The following MCHR2 variants were observed in gnomAD, a reference collection of about 807,000 sequenced individuals.
MCHR2 encodes the protein melanin-concentrating hormone receptor 2.
MCHR2 carries 15 observed loss-of-function variants against 24.8 expected under a neutral mutation model. The ratio of observed to expected loss-of-function variants is 0.60; its 90% CI spans 0.40 to 0.93. The LOEUF (loss-of-function observed/expected upper bound fraction) is 0.93. Ranked by LOEUF, MCHR2 falls within the 40% of genes least tolerant of loss-of-function variation. The pLI, the probability that MCHR2 is intolerant of heterozygous loss-of-function variation, is 0.00. For missense variants in MCHR2, 386 were observed against 408.7 expected (o/e 0.94, Z 0.48); for synonymous variants, 151 against 147.6 (o/e 1.02, Z -0.17).
intron 3 of MCHR2, among the ~76,000 whole-genome samples, chr6:99,945,467 A>G (rs539556791): frequency 1.1e-3 from 164 of 152,244 alleles, no homozygotes; most frequent in Non-Finnish European, 2.1e-3. Flanking sequence ...GCCCACTACT[A>G]AATATTCTAC....
At chr6:99,944,269 T>C (rs1774834044) in intron 3 of MCHR2, among the ~76,000 whole-genome samples, 1 of 152,160 alleles carries the variant, frequency 6.6e-6, no homozygotes, top group Non-Finnish European at 1.5e-5. Flanking sequence ...TCCAAGAATT[T>C]TTCAGAGCAA....
chr6:99,927,860 C>T (rs1416004486), intron 5 of MCHR2, among the ~76,000 whole-genome samples: 1 of 152,130 alleles, frequency 6.6e-6, no homozygotes, highest in Non-Finnish European at 1.5e-5. Flanking sequence ...CTGGCCAGAA[C>T]TTCCAACACT....
At chr6:99,929,502 C>G (rs138499185) in intron 5 of MCHR2, among the ~76,000 whole-genome samples, 2,905 of 152,192 alleles carry the variant, frequency 0.019, 33 homozygotes, top group Middle Eastern at 0.048. Context: ...TCAGGACTTG[C>G]TTTATGAATC....
intron 2 of MCHR2, among the ~76,000 whole-genome samples, chr6:99,954,660 C>A (rs1482650630): frequency 6.6e-6 from 1 of 152,054 alleles, no homozygotes; most frequent in Non-Finnish European, 1.5e-5. Flanking sequence ...TGTTAATGGT[C>A]ATATTTTTTA....
intron 1 of MCHR2, among the ~76,000 whole-genome samples, chr6:99,966,678 A>G (rs1775301130): frequency 6.6e-6 from 1 of 152,216 alleles, no homozygotes; most frequent in Non-Finnish European, 1.5e-5. Context: ...CAGAAACAAA[A>G]TATTAATTCA....
At chr6:99,938,849 C>G (rs1355506981) in intron 4 of MCHR2, among the ~76,000 whole-genome samples, 1 of 152,034 alleles carries the variant, frequency 6.6e-6, no homozygotes, top group Non-Finnish European at 1.5e-5. Context: ...TTAGTGTTTG[C>G]TCTATATATT....
chr6:99,965,437 A>AC (rs1381778431), intron 1 of MCHR2, among the ~76,000 whole-genome samples: 1 of 152,164 alleles, frequency 6.6e-6, no homozygotes, highest in Non-Finnish European at 1.5e-5. Flanking sequence ...GACTGGCTGA[A>AC]CCCATTGAGG....
intron 5 of MCHR2, among the ~76,000 whole-genome samples, chr6:99,928,591 T>C (rs956342486): frequency 6.6e-6 from 1 of 152,234 alleles, no homozygotes; most frequent in African/African-American, 2.4e-5. Context: ...GAGGAATTTA[T>C]CCATTTCTTC....
chr6:99,993,061 G>A (rs1022590981), intron 1 of MCHR2, among the ~76,000 whole-genome samples: 1 of 152,198 alleles, frequency 6.6e-6, no homozygotes, highest in Non-Finnish European at 1.5e-5. Flanking sequence ...TTAGAACTGC[G>A]CATTCCTCAA....
intron 5 of MCHR2, among the ~76,000 whole-genome samples, chr6:99,925,696 C>G (rs948577860): frequency 6.6e-6 from 1 of 151,920 alleles, no homozygotes; most frequent in African/African-American, 2.4e-5. Context: ...AAACTCTACA[C>G]CTTAACTTTG....
chr6:99,968,748 C>T (rs930300569), intron 1 of MCHR2, among the ~76,000 whole-genome samples: 1 of 151,776 alleles, frequency 6.6e-6, no homozygotes, highest in Non-Finnish European at 1.5e-5. Flanking sequence ...AAACAAAGCT[C>T]AATAAATTTC....
Position 99,941,042 on chromosome 6 carries a change from A to G in MCHR2, c.587+1907T>C, listed in dbSNP as rs193045640. On this transcript the variant is annotated intron_variant, in intron 4 of 5. Transcript: ENST00000281806. ...CCTTCCAGAACTTATGATACTTCCC[A>G]TAGGTTAAGGCAGAGACAGGTATTT... 2.6e-5 allele frequency among the ~76,000 whole-genome samples: 4 copies of G among 152,142 alleles called. No homozygotes were observed. The East Asian group carries it at 7.8e-4, about 30-fold the overall frequency.
At chr6:99,978,968 A>G (rs181995602) in intron 1 of MCHR2, among the ~76,000 whole-genome samples, 2 of 152,308 alleles carry the variant, frequency 1.3e-5, no homozygotes, top group Admixed American at 6.5e-5. Flanking sequence ...AAAGGGAATA[A>G]GCAGGTCTTC....
Position 99,975,426 on chromosome 6 carries a change from C to T in MCHR2, c.-28+18510G>A, listed in dbSNP as rs373928223. Among the ~76,000 whole-genome samples the T allele has an allele frequency of 1.1e-4, 17 of 152,300 alleles. No homozygotes were observed. The East Asian group carries it at 1.4e-3, about 12-fold the overall frequency. On this transcript the variant is annotated intron_variant, in intron 1 of 5. Transcript: ENST00000281806. ...CCGTTTTTTAAGCCCGTTGGAAAACCGCAGTATTAGGGTGGGGGTGACCCA... is the reference window on the plus strand; with the variant it reads ...CCGTTTTTTAAGCCCGTTGGAAAACTGCAGTATTAGGGTGGGGGTGACCCA...
In MCHR2 at chr6:99,947,797, G is replaced by T; in HGVS notation, c.357C>A (p.Ala119=). Residue 119 remains alanine, a synonymous_variant, in exon 3 of 6, where the codon GCC becomes GCA. Transcript: ENST00000281806. Reference sequence around the variant, plus strand: ...TCATTACAGTCATGATGGCACTACAGGCAAATTGGTTACAAGTATCCAGGG... The same window carrying T: ...TCATTACAGTCATGATGGCACTACATGCAAATTGGTTACAAGTATCCAGGG... ...ITSLDTCNQF[A]CSAIMTVMSV... The T allele has an allele frequency of 6.2e-7, 1 of 1,613,780 alleles. No individual in the cohort carries two copies. Among genetic ancestry groups the T allele is most frequent in the South Asian group, 1.1e-5 (1 of 91,074 alleles).
chr6:99,989,714 A>G (rs1775832545), intron 1 of MCHR2, among the ~76,000 whole-genome samples: 1 of 152,276 alleles, frequency 6.6e-6, no homozygotes, highest in East Asian at 1.9e-4. Context: ...GACATATTTC[A>G]AGAACATTAC....
At chr6:99,944,898 C>A (rs1774846588) in intron 3 of MCHR2, among the ~76,000 whole-genome samples, 1 of 152,148 alleles carries the variant, frequency 6.6e-6, no homozygotes, top group African/African-American at 2.4e-5. Flanking sequence ...TCTCTCTTGA[C>A]TTCCTCAAGC....
At chr6:99,966,285 A>G (rs571446039) in intron 1 of MCHR2, among the ~76,000 whole-genome samples, 5 of 152,292 alleles carry the variant, frequency 3.3e-5, no homozygotes, top group African/African-American at 1.2e-4. Flanking sequence ...TTCAGTGTCA[A>G]TTAAAACTTC....
At chr6:99,939,459 C>G (rs1774730914) in intron 4 of MCHR2, among the ~76,000 whole-genome samples, 1 of 152,096 alleles carries the variant, frequency 6.6e-6, no homozygotes, top group South Asian at 2.1e-4. Context: ...AAAAAATCTA[C>G]ATTTTAACTC....
Sources: gnomAD v4.1 joint callset for allele counts (sites outside exome capture counted in the v4.1 genomes callset) on GRCh38, gnomAD v4.1.1 for gene constraint, MANE v1.5 for transcripts, NCBI Gene and HGNC (gene_info 2026-07-23, HGNC 2026-07-21) for gene names.